Variants in SAMD5 observed in about 807,000 individuals in gnomAD.
SAMD5 encodes the protein sterile alpha motif domain-containing protein 5.
In SAMD5, 13 loss-of-function variants were observed where a neutral mutation model predicts 11.3. The observed-to-expected ratio is 1.15, with a 90% CI of 0.75 to 1.83. SAMD5 has a LOEUF of 1.83. SAMD5 is among the 40% of genes most tolerant of loss of function. The pLI is 0.00. For missense variants in SAMD5, 255 were observed against 239.1 expected, an observed-to-expected ratio of 1.07 and a Z score of -0.44; for synonymous variants, 129 against 111.3, an observed-to-expected ratio of 1.16 and a Z score of -1.00.
chr6:147,649,177 A>G (rs1583123585), intron 1 of SAMD5, among the ~76,000 whole-genome samples: 1 of 152,330 alleles, frequency 6.6e-6, no homozygotes, highest in East Asian at 1.9e-4. Context: ...ATGCCTGCAT[A>G]ATCTGGCATT....
chr6:147,793,889 C>G, the SAMD5 span, among the ~76,000 whole-genome samples: 1 of 152,088 alleles, frequency 6.6e-6, no homozygotes, highest in Admixed American at 6.6e-5. Flanking sequence ...GTTGGCTATT[C>G]TAATCCCTTT....
intron 1 of SAMD5, among the ~76,000 whole-genome samples, chr6:147,552,740 G>A (rs191644577): frequency 5.9e-5 from 9 of 152,262 alleles, no homozygotes; most frequent in East Asian, 5.8e-4. Context: ...TTGCGGAGGC[G>A]CAGTCTGTGT....
intron 1 of SAMD5, among the ~76,000 whole-genome samples, chr6:147,720,257 C>G (rs536016916): frequency 2.6e-5 from 4 of 152,186 alleles, no homozygotes; most frequent in South Asian, 2.1e-4. Flanking sequence ...GTCAGGAGAT[C>G]GAGACCATCC....
chr6:147,560,855 G>A (rs148110905), intron 1 of SAMD5, among the ~76,000 whole-genome samples: 128 of 152,188 alleles, frequency 8.4e-4, no homozygotes, highest in African/African-American at 2.6e-3. Flanking sequence ...GAAATGAAAG[G>A]CCCCTCAAAC....
intron 1 of SAMD5, chr6:147,729,778 T>C (rs1562361918): frequency 6.6e-6 from 3 of 457,040 alleles, no homozygotes; most frequent in Non-Finnish European, 1.3e-5. Flanking sequence ...GTGATGTGCC[T>C]GATGTGTTCA....
At chr6:147,544,291 A>G (rs1788651450) in intron 1 of SAMD5, among the ~76,000 whole-genome samples, 1 of 152,226 alleles carries the variant, frequency 6.6e-6, no homozygotes, top group Non-Finnish European at 1.5e-5. Context: ...AGATTTTCCC[A>G]CATAACCAAT....
intron 1 of SAMD5, among the ~76,000 whole-genome samples, chr6:147,553,995 G>A (rs373761582): frequency 1.3e-5 from 2 of 152,164 alleles, no homozygotes; most frequent in Admixed American, 6.5e-5. Flanking sequence ...TTAAAGAACT[G>A]CTCAAGACTG....
the SAMD5 span, among the ~76,000 whole-genome samples, chr6:147,951,194 T>C: frequency 2.0e-5 from 3 of 151,936 alleles, no homozygotes; most frequent in Non-Finnish European, 4.4e-5. Flanking sequence ...TCTTTCTTTT[T>C]TTTTTTATGA....
At chr6:147,854,794 A>G in the SAMD5 span, among the ~76,000 whole-genome samples, 7 of 152,208 alleles carry the variant, frequency 4.6e-5, no homozygotes, top group African/African-American at 1.7e-4. Flanking sequence ...TTTAATACCA[A>G]GTGTCCTTTT....
At chr6:147,683,421 T>A (rs1388965434) in intron 1 of SAMD5, among the ~76,000 whole-genome samples, 1 of 152,236 alleles carries the variant, frequency 6.6e-6, no homozygotes, top group Non-Finnish European at 1.5e-5. Flanking sequence ...TATTAGGAAT[T>A]AAAATGCAGA....
the SAMD5 span, among the ~76,000 whole-genome samples, chr6:147,850,741 T>C: frequency 1.3e-5 from 2 of 152,208 alleles, no homozygotes; most frequent in South Asian, 4.1e-4. Flanking sequence ...CACCCTGTAC[T>C]GCCCAAGATA....
chr6:147,830,251 C>CTTTTTTT, the SAMD5 span, among the ~76,000 whole-genome samples: 108 of 84,926 alleles, frequency 1.3e-3, no homozygotes, highest in African/African-American at 2.0e-3. Context: ...TTCTTTCTTT[C>CTTTTTTT]TTTTTTTTTT....
chr6:147,654,403 C>T (rs1315029358), intron 1 of SAMD5, among the ~76,000 whole-genome samples: 3 of 151,980 alleles, frequency 2.0e-5, no homozygotes, highest in Non-Finnish European at 4.4e-5. Context: ...CAAAGAGCTC[C>T]GTGGGGGATT....
rs139216177 is a variant in SAMD5, at chr6:147,654,029, T to C, written c.163-83288T>C. On this transcript the variant is annotated intron_variant, in intron 1 of 1. Transcript: ENST00000566741. ...TCCACAGTTTAGAATTAGAATCCCC[T>C]GATACTGAAAATTCTATAATGAGCC... 6.7e-3 allele frequency among the ~76,000 whole-genome samples: 1,016 copies of C among 152,342 alleles called. 16 individuals carry two copies. Among genetic ancestry groups the C allele is most frequent in the South Asian group, 0.039 (188 of 4,822 alleles).
At chr6:147,872,689 C>T in the SAMD5 span, among the ~76,000 whole-genome samples, 2 of 152,228 alleles carry the variant, frequency 1.3e-5, no homozygotes, top group Non-Finnish European at 1.5e-5. Flanking sequence ...ATGGACTTGC[C>T]CACTTCATGG....
At chr6:147,609,327 G>A (rs1789747461) in intron 1 of SAMD5, among the ~76,000 whole-genome samples, 1 of 152,126 alleles carries the variant, frequency 6.6e-6, no homozygotes, top group South Asian at 2.1e-4. Flanking sequence ...AAAGAAAGAG[G>A]CCTGGAATAG....
At chr6:147,645,145 C>A (rs544533068) in intron 1 of SAMD5, among the ~76,000 whole-genome samples, 3 of 152,084 alleles carry the variant, frequency 2.0e-5, no homozygotes, top group Non-Finnish European at 4.4e-5. Flanking sequence ...GACTTCCAGG[C>A]TGGGGCAACC....
rs553858260 is a variant in SAMD5 at position 147,627,872 on chromosome 6, T to C, written c.163-109445T>C. ...TTTTAAAAATACTATTTACAGTCCATGGATGTTTTACTTCTTCTTTGAACA... is the reference window on the plus strand; with the variant it reads ...TTTTAAAAATACTATTTACAGTCCACGGATGTTTTACTTCTTCTTTGAACA... On this transcript the variant is annotated intron_variant, in intron 1 of 1. Transcript: ENST00000566741. 1.1e-4 allele frequency among the ~76,000 whole-genome samples: 16 copies of C among 152,338 alleles called. No homozygotes were observed. The East Asian group carries it at 2.3e-3, about 22-fold the overall frequency.
At chr6:147,857,093 A>G in the SAMD5 span, among the ~76,000 whole-genome samples, 1 of 151,814 alleles carries the variant, frequency 6.6e-6, no homozygotes, top group African/African-American at 2.4e-5. Context: ...AACTACTACC[A>G]GATGGTACCA....
Sources: gnomAD v4.1 joint callset for allele counts (sites outside exome capture counted in the v4.1 genomes callset) on GRCh38, gnomAD v4.1.1 for gene constraint, MANE v1.5 for transcripts, NCBI Gene and HGNC (gene_info 2026-07-23, HGNC 2026-07-21) for gene names.